Variants in AGBL4 observed in about 807,000 individuals in gnomAD.
AGBL4 encodes cytosolic carboxypeptidase 6.
In AGBL4, 58 loss-of-function variants were observed where a neutral mutation model predicts 66.4. The observed-to-expected ratio is 0.87, with a 90% CI of 0.71 to 1.09. The LOEUF (loss-of-function observed/expected upper bound fraction) is 1.09, where lower values mean the gene tolerates loss of function less well. AGBL4 is among the 50% of genes least tolerant of loss of function. The probability of loss-of-function intolerance (pLI) is 0.00; values close to 1 mark genes in which losing one functional copy is unlikely to be tolerated. For synonymous variants in AGBL4, 234 were observed against 222.9 expected (o/e 1.05, Z -0.44); for missense variants, 579 against 631.0 (o/e 0.92, Z 0.88).
intron 3 of AGBL4, among the ~76,000 whole-genome samples, chr1:49,371,685 G>A (rs758931165): frequency 1.3e-5 from 2 of 151,954 alleles, no homozygotes; most frequent in African/African-American, 4.8e-5. Context: ...CTCTATCCCC[G>A]TATATGTTAT....
chr1:48,817,577 A>G (rs1177057231), intron 6 of AGBL4: 3 of 158,420 alleles, frequency 1.9e-5, no homozygotes, highest in African/African-American at 7.2e-5. Context: ...GGGTATCTGG[A>G]CCCCTGTTCC....
At chr1:48,845,488 A>G (rs1558035242) in intron 6 of AGBL4, among the ~76,000 whole-genome samples, 1 of 152,192 alleles carries the variant, frequency 6.6e-6, no homozygotes, top group East Asian at 1.9e-4. Flanking sequence ...GAAGATTTGA[A>G]GAGATGCCTG....
chr1:48,768,415 CT>C (rs977842631), intron 6 of AGBL4, among the ~76,000 whole-genome samples: 15 of 152,086 alleles, frequency 9.9e-5, no homozygotes, highest in African/African-American at 3.6e-4. Flanking sequence ...ATGGTAAAAA[CT>C]GCTATTCAAA....
chr1:49,949,598 T>C (rs1655885828), intron 1 of AGBL4, among the ~76,000 whole-genome samples: 2 of 151,648 alleles, frequency 1.3e-5, no homozygotes, highest in African/African-American at 4.8e-5. Flanking sequence ...AACAAACATA[T>C]GGAAAAATGC....
chr1:48,915,650 G>C (rs564114108), intron 5 of AGBL4, among the ~76,000 whole-genome samples: 1 of 152,132 alleles, frequency 6.6e-6, no homozygotes, highest in African/African-American at 2.4e-5. Context: ...TGTTAGAAAC[G>C]TAAGTTCTTA....
intron 6 of AGBL4, among the ~76,000 whole-genome samples, chr1:48,737,065 C>T (rs547701044): frequency 4.6e-5 from 7 of 152,206 alleles, no homozygotes; most frequent in East Asian, 3.9e-4. Flanking sequence ...GGGCGGATCA[C>T]GAGATCAGGA....
chr1:48,839,551 T>C (rs914810620), intron 6 of AGBL4, among the ~76,000 whole-genome samples: 5 of 151,998 alleles, frequency 3.3e-5, no homozygotes, highest in African/African-American at 1.2e-4. Context: ...GTAAATAAAA[T>C]GGTGGTTACC....
intron 3 of AGBL4, among the ~76,000 whole-genome samples, chr1:49,373,546 A>G (rs1644410239): frequency 6.6e-6 from 1 of 152,196 alleles, no homozygotes; most frequent in African/African-American, 2.4e-5. Flanking sequence ...AAGAAGGTAA[A>G]TAGGTTAACA....
intron 6 of AGBL4, among the ~76,000 whole-genome samples, chr1:48,840,948 A>G (rs1325343312): frequency 6.8e-6 from 1 of 147,002 alleles, no homozygotes; most frequent in Non-Finnish European, 1.5e-5. Flanking sequence ...ATGAAAAGGC[A>G]TGAACTATTG....
At chr1:49,323,085 C>A (rs2148478872) in intron 3 of AGBL4, among the ~76,000 whole-genome samples, 1 of 152,260 alleles carries the variant, frequency 6.6e-6, no homozygotes, top group African/African-American at 2.4e-5. Flanking sequence ...TTTGTAAATG[C>A]TTAAAACCCT....
chr1:49,303,078 A>AT (rs1644784931), intron 3 of AGBL4, among the ~76,000 whole-genome samples: 1 of 152,070 alleles, frequency 6.6e-6, no homozygotes. Flanking sequence ...ATTTGGGTTG[A>AT]TTCTACATCT....
intron 5 of AGBL4, among the ~76,000 whole-genome samples, chr1:48,888,109 T>G (rs956360676): frequency 3.9e-5 from 6 of 152,058 alleles, no homozygotes; most frequent in Non-Finnish European, 7.4e-5. Flanking sequence ...TTACAGCAAA[T>G]AGTTCCCATA....
intron 6 of AGBL4, among the ~76,000 whole-genome samples, chr1:48,853,273 G>T (rs1244879977): frequency 6.6e-6 from 1 of 152,138 alleles, no homozygotes; most frequent in African/African-American, 2.4e-5. Flanking sequence ...CCTTCAAATA[G>T]ATACAGCCTT....
chr1:49,375,365 A>C (rs1311564528), intron 3 of AGBL4, among the ~76,000 whole-genome samples: 1 of 152,076 alleles, frequency 6.6e-6, no homozygotes, highest in Non-Finnish European at 1.5e-5. Context: ...GGATAAATGA[A>C]TAAAACTGCT....
intron 3 of AGBL4, among the ~76,000 whole-genome samples, chr1:49,507,191 T>A (rs1157136501): frequency 1.3e-5 from 2 of 151,940 alleles, no homozygotes; most frequent in Non-Finnish European, 2.9e-5. Flanking sequence ...GGAGAGAGAA[T>A]GAATCTTAGC....
chr1:48,748,055 G>C (rs72904841), intron 6 of AGBL4, among the ~76,000 whole-genome samples: 2 of 151,972 alleles, frequency 1.3e-5, no homozygotes, highest in Non-Finnish European at 2.9e-5. Context: ...TCCTAAATGC[G>C]TACAGAACAT....
chr1:48,637,552 C>T (rs1183364073), intron 8 of AGBL4, among the ~76,000 whole-genome samples: 2 of 152,156 alleles, frequency 1.3e-5, no homozygotes, highest in Non-Finnish European at 2.9e-5. Context: ...TATAGGAAAC[C>T]CAGGCTCAGG....
At chr1:49,531,561 T>G (rs1227408726) in intron 3 of AGBL4, among the ~76,000 whole-genome samples, 1 of 152,156 alleles carries the variant, frequency 6.6e-6, no homozygotes, top group Admixed American at 6.5e-5. Context: ...AACAATTCAC[T>G]GTTGACTATT....
chr1:48,761,240 A>G, intron 6 of AGBL4: 1 of 1,287,278 alleles, frequency 7.8e-7, no homozygotes, highest in Non-Finnish European at 1.1e-6. Context: ...ACCAGGGGAC[A>G]TTTACATGGG....
Sources: allele counts gnomAD v4.1 joint callset (sites outside exome capture counted in the v4.1 genomes callset), GRCh38; gene constraint gnomAD v4.1.1; transcripts MANE v1.5; gene names NCBI Gene and HGNC (gene_info 2026-07-23, HGNC 2026-07-21).